DMD: variants seen among roughly 807,000 people sequenced by gnomAD.
DMD encodes the protein mutant dystrophin.
A neutral mutation model predicts 330.1 loss-of-function variants in DMD; 63 were observed. The observed-to-expected ratio is 0.19, with a 90% CI of 0.16 to 0.24. The LOEUF is 0.24. Ranked by LOEUF, DMD falls within the 10% of genes least tolerant of loss-of-function variation. The pLI, the probability that DMD is intolerant of heterozygous loss-of-function variation, is 1.00. For synonymous variants in DMD, 1,223 were observed against 959.8 expected, an observed-to-expected ratio of 1.27 and a Z score of -5.07; for missense variants, 3,344 against 2,684.1, an observed-to-expected ratio of 1.25 and a Z score of -5.43.
chrX:31,555,290 A>C (rs2074742177), intron 55 of DMD, among the ~76,000 whole-genome samples: 2 of 111,849 alleles, frequency 1.8e-5, no homozygotes, highest in Non-Finnish European at 3.8e-5. Flanking sequence ...GATACACATA[A>C]TTGGCTCTTG....
At chrX:32,600,592 G>GCA (rs1405423139) in intron 12 of DMD, among the ~76,000 whole-genome samples, 9 of 63,217 alleles carry the variant, frequency 1.4e-4, no homozygotes, top group African/African-American at 8.9e-4. Context: ...ACACAAACAC[G>GCA]CACACGCACA....
At position 31,295,983 on chromosome X, in the gene DMD, CTT is replaced by C. The variant is rs150166970; in HGVS notation, c.9224+27613_9224+27614del. ...ATGAAAGAAACAATCCAAAAAGTGA[CTT>C]TTTTTTTTTTTTTTTTTTACAATGG... On this transcript the variant is annotated intron_variant, in intron 62 of 78. Transcript: ENST00000357033. Among the ~76,000 whole-genome samples the C allele has an allele frequency of 4.5e-3, 416 of 92,857 alleles. 3 individuals are homozygous for C. Among genetic ancestry groups the C allele is most frequent in the Middle Eastern group, 0.032 (6 of 187 alleles). The allele number at this position is 92,857 out of a possible 115,157, so 80.6% of individuals were successfully genotyped here.
At chrX:31,489,282 A>T (rs1461577645) in intron 57 of DMD, among the ~76,000 whole-genome samples, 1 of 111,927 alleles carries the variant, frequency 8.9e-6, no homozygotes, top group Non-Finnish European at 1.9e-5. Flanking sequence ...CTGGGACTAC[A>T]GGCACGTGTC....
chrX:31,352,247 G>A (rs968924264), intron 60 of DMD, among the ~76,000 whole-genome samples: 10 of 110,667 alleles, frequency 9.0e-5, no homozygotes, highest in Non-Finnish European at 1.3e-4. Context: ...GGGAAAACGC[G>A]TGCAAATAAA....
intron 7 of DMD, among the ~76,000 whole-genome samples, chrX:32,705,454 C>T (rs1048631538): frequency 3.6e-5 from 4 of 112,091 alleles, no homozygotes; most frequent in East Asian, 5.6e-4. Flanking sequence ...CTTTCCATTA[C>T]GCTTTTCAAC....
intron 13 of DMD, among the ~76,000 whole-genome samples, chrX:32,584,431 C>A (rs1187216789): frequency 9.0e-6 from 1 of 111,415 alleles, no homozygotes; most frequent in Non-Finnish European, 1.9e-5. Context: ...AGGTAAATAC[C>A]TAATACAAAA....
chrX:33,149,617 A>C (rs758299497), intron 1 of DMD, among the ~76,000 whole-genome samples: 7 of 111,466 alleles, frequency 6.3e-5, no homozygotes, highest in Non-Finnish European at 9.4e-5. Context: ...TAGAACCCTG[A>C]GCTCCCATGT....
At chrX:33,288,150 T>C (rs188695347) in intron 1 of DMD, among the ~76,000 whole-genome samples, 1 of 111,816 alleles carries the variant, frequency 8.9e-6, no homozygotes, top group Admixed American at 9.5e-5. Flanking sequence ...CATAGATGAT[T>C]AGTTCAAATT....
intron 15 of DMD, among the ~76,000 whole-genome samples, chrX:32,570,907 A>G (rs1419056525): frequency 8.9e-6 from 1 of 112,014 alleles, no homozygotes; most frequent in Non-Finnish European, 1.9e-5. Context: ...CTTTGACTAG[A>G]TATTAAGATT....
intron 11 of DMD, among the ~76,000 whole-genome samples, chrX:32,624,140 C>A (rs12557761): frequency 9.0e-6 from 1 of 111,624 alleles, no homozygotes; most frequent in Non-Finnish European, 1.9e-5. Flanking sequence ...ATCTACCATG[C>A]ACAGATAGGA....
At position 32,360,956 on chromosome X, in the gene DMD, A is replaced by C. The variant is rs778285630; in HGVS notation, c.5325+1832T>G. 2.1e-3 allele frequency among the ~76,000 whole-genome samples: 234 copies of C among 111,169 alleles called. 1 individual carries two copies. Among genetic ancestry groups the C allele is most frequent in the African/African-American group, 7.3e-3 (224 of 30,660 alleles). On this transcript the variant is annotated intron_variant, in intron 37 of 78. Transcript: ENST00000357033. ...ACAAATTCATGCAGAATGTGAAATG[A>C]AAACTCACAAACTTGTCTTGGTCAC...
intron 50 of DMD, among the ~76,000 whole-genome samples, chrX:31,794,834 C>T (rs1475100667): frequency 1.8e-5 from 2 of 110,291 alleles, no homozygotes; most frequent in Admixed American, 9.7e-5. Context: ...GATATGATTG[C>T]GTCAAAGATC....
intron 42 of DMD, among the ~76,000 whole-genome samples, chrX:32,298,859 T>G (rs62590662): frequency 0.21 from 13,260 of 63,469 alleles, 801 homozygotes; most frequent in Non-Finnish European, 0.3. Context: ...TTGATTCTGC[T>G]TAAGGCTACA....
intron 59 of DMD, among the ~76,000 whole-genome samples, chrX:31,447,069 A>G (rs2065324201): frequency 9.0e-6 from 1 of 111,235 alleles, no homozygotes; most frequent in South Asian, 3.8e-4. Flanking sequence ...TTATTAGAAT[A>G]TTTTGATTTT....
intron 44 of DMD, among the ~76,000 whole-genome samples, chrX:32,152,291 C>A (rs189810222): frequency 1.5e-3 from 172 of 111,423 alleles, no homozygotes; most frequent in Admixed American, 0.012. Context: ...TTGAGTAAAT[C>A]TATTATGCTT....
At chrX:31,465,514 GT>G (rs756664087) in intron 59 of DMD, among the ~76,000 whole-genome samples, 1 of 109,926 alleles carries the variant, frequency 9.1e-6, no homozygotes, top group South Asian at 4.0e-4. Flanking sequence ...CTTCATCCAT[GT>G]CCCTGCCAAG....
intron 1 of DMD, among the ~76,000 whole-genome samples, chrX:33,231,867 T>C (rs1161703245): frequency 1.8e-5 from 2 of 111,575 alleles, no homozygotes; most frequent in African/African-American, 6.5e-5. Context: ...CTGCTCTCTT[T>C]CTGCCTTTCT....
In DMD at chrX:32,342,234, G is replaced by A. The variant is rs1295144399; in HGVS notation, c.5788C>T (p.Arg1930Cys). Residue 1930 changes from arginine (R) to cysteine (C), a missense_variant, in exon 41 of 79, where the codon CGT becomes TGT. Coordinates refer to ENST00000357033, the MANE Select transcript of DMD (RefSeq NM_004006.3). ...TCAGACAAGCCCTCAGCTTGCCTAC[G>A]CACTGCATTCAGCTCCTCTTTCTTC... Reference protein sequence around the residue: ...QKKKEELNAVRRQAEGLSEDG... With the variant: ...QKKKEELNAVCRQAEGLSEDG... The A allele has an allele frequency of 2.5e-6, 3 of 1,211,309 alleles. No homozygotes were observed. The highest frequency in any genetic ancestry group is 1.7e-5 in the African/African-American group (1 of 57,745).
At chrX:32,949,978 A>AGGTGCAGAGGC (rs1362057827) in intron 2 of DMD, among the ~76,000 whole-genome samples, 157 of 63,153 alleles carry the variant, frequency 2.5e-3, no homozygotes, top group Middle Eastern at 0.015. Flanking sequence ...AAAAAAAAAA[A>AGGTGCAGAGGC]AAAATAGAGT....
Sources: allele counts gnomAD v4.1 joint callset (sites outside exome capture counted in the v4.1 genomes callset), GRCh38; gene constraint gnomAD v4.1.1; transcripts MANE v1.5; gene names NCBI Gene and HGNC (gene_info 2026-07-23, HGNC 2026-07-21).